Variants in CHST3 observed in about 807,000 individuals in gnomAD.
The protein encoded by CHST3 is carbohydrate sulfotransferase 3.
CHST3 carries 20 observed loss-of-function variants against 35.4 expected under a neutral mutation model. That is an observed-to-expected ratio of 0.57 (90% CI 0.40 to 0.82). The LOEUF (loss-of-function observed/expected upper bound fraction) is 0.82, where lower values mean the gene tolerates loss of function less well. Among genes scored for constraint, CHST3 ranks in the 40% least tolerant of loss-of-function variants. The probability of loss-of-function intolerance (pLI) is 0.00; values close to 1 mark genes in which losing one functional copy is unlikely to be tolerated. For missense variants in CHST3, 693 were observed against 670.1 expected, an observed-to-expected ratio of 1.03 and a Z score of -0.38; for synonymous variants, 334 against 295.9, an observed-to-expected ratio of 1.13 and a Z score of -1.32.
intron 1 of CHST3, among the ~76,000 whole-genome samples, chr10:71,999,780 G>T (rs747834830): frequency 2.6e-5 from 4 of 152,332 alleles, no homozygotes; most frequent in Admixed American, 1.3e-4. Flanking sequence ...GCCAAGTCAC[G>T]AGGGAGGCCT....
chr10:71,982,206 T>A (rs1012489460), intron 1 of CHST3, among the ~76,000 whole-genome samples: 2 of 152,134 alleles, frequency 1.3e-5, no homozygotes, highest in Non-Finnish European at 2.9e-5. Flanking sequence ...ACAAGTGTCC[T>A]TATAAGAGGG....
Position 71,978,040 on chromosome 10 carries a change from T to C in CHST3, c.-108+13346T>C, listed in dbSNP as rs1839763992. On this transcript the variant is annotated intron_variant, in intron 1 of 2. Transcript: ENST00000373115. ...TTCTTCCTACGCCTTCCTATGCCTCTATGCTGACTTCTGGAGAAGCCAGTC... is the reference window on the plus strand; with the variant it reads ...TTCTTCCTACGCCTTCCTATGCCTCCATGCTGACTTCTGGAGAAGCCAGTC... Among the ~76,000 whole-genome samples, 3 of 152,218 alleles carry C rather than the reference T, an allele frequency of 2.0e-5. No homozygotes were observed. In the South Asian group the frequency reaches 6.2e-4, roughly 32 times the overall value.
At chr10:71,985,160 C>T (rs544865481) in intron 1 of CHST3, among the ~76,000 whole-genome samples, 1 of 152,348 alleles carries the variant, frequency 6.6e-6, no homozygotes, top group African/African-American at 2.4e-5. Flanking sequence ...CCCCAGTCTC[C>T]TTCGCCCCAA....
At chr10:71,965,342 T>C (rs1286110744) in intron 1 of CHST3, among the ~76,000 whole-genome samples, 3 of 152,032 alleles carry the variant, frequency 2.0e-5, no homozygotes, top group Non-Finnish European at 4.4e-5. Context: ...CCAGGGTCTG[T>C]GAGCAGCGTG....
intron 1 of CHST3, among the ~76,000 whole-genome samples, chr10:71,998,331 TG>T (rs984571361): frequency 5.9e-5 from 9 of 152,238 alleles, no homozygotes; most frequent in African/African-American, 2.2e-4. Flanking sequence ...GCCACGTCCT[TG>T]GGCATGAATC....
At position 71,981,414 on chromosome 10, in the gene CHST3, G is replaced by A. The variant is rs77060335; in HGVS notation, c.-108+16720G>A. On this transcript the variant is annotated intron_variant, in intron 1 of 2. Coordinates refer to ENST00000373115, the MANE Select transcript of CHST3 (RefSeq NM_004273.5). The stretch of plus-strand genomic sequence containing the variant: ...TCCAGAAGCCAGCCCTCAGCTGGGA[G>A]CAGCTTTGCGAGGGAGGGGAATGTT... Among the ~76,000 whole-genome samples the A allele has an allele frequency of 2.6e-3, 398 of 152,356 alleles. 2 individuals are homozygous for A. Among genetic ancestry groups the A allele is most frequent in the African/African-American group, 8.7e-3 (360 of 41,590 alleles).
rs1467965601 is a variant in CHST3, at chr10:72,008,190, C to T, written c.1159C>T (p.Arg387Cys). The T allele has an allele frequency of 1.9e-6, 3 of 1,549,842 alleles. No individual in the cohort carries two copies. In the Admixed American group the frequency reaches 5.9e-5, roughly 30 times the overall value. Residue 387 changes from arginine to cysteine, a missense_variant, in exon 3 of 3, where the codon CGC (arginine) becomes TGC (cysteine). By Grantham distance (180) the Arg-to-Cys change is radical. Transcript: ENST00000373115. ...GPLQKAREMY[R>C]FAGIPLTPQV... ...GCTGCAGAAGGCCCGCGAGATGTACCGCTTCGCCGGCATCCCCCTGACCCC... is the reference window on the plus strand; with the variant it reads ...GCTGCAGAAGGCCCGCGAGATGTACTGCTTCGCCGGCATCCCCCTGACCCC...
chr10:71,992,472 G>A (rs1484299728), intron 1 of CHST3, among the ~76,000 whole-genome samples: 1 of 150,816 alleles, frequency 6.6e-6, no homozygotes, highest in Non-Finnish European at 1.5e-5. Flanking sequence ...GTGAGCCACT[G>A]CACCCAGCCA....
At chr10:72,007,088 G>A in intron 2 of CHST3, 84 bp from the exon 3 acceptor site, 14 of 1,483,414 alleles carry the variant, frequency 9.4e-6, no homozygotes, top group Non-Finnish European at 1.3e-5. Context: ...AGGTTTTGGT[G>A]ATCTGCTTGG....
At chr10:71,971,480 C>T (rs923507580) in intron 1 of CHST3, among the ~76,000 whole-genome samples, 2 of 152,194 alleles carry the variant, frequency 1.3e-5, no homozygotes, top group African/African-American at 4.8e-5. Context: ...CGCCGATGCC[C>T]GCCTGTGCCT....
intron 1 of CHST3, among the ~76,000 whole-genome samples, chr10:71,986,832 G>T (rs1272800882): frequency 6.6e-6 from 1 of 152,200 alleles, no homozygotes; most frequent in African/African-American, 2.4e-5. Flanking sequence ...TGGCATAGAC[G>T]GGCTCTGGCT....
chr10:71,982,451 G>A (rs372873587), intron 1 of CHST3, among the ~76,000 whole-genome samples: 10 of 152,272 alleles, frequency 6.6e-5, no homozygotes, highest in Admixed American at 2.0e-4. Context: ...AGAACTGTAC[G>A]ATAATCAGTG....
chr10:71,971,364 A>G (rs1839693277), intron 1 of CHST3, among the ~76,000 whole-genome samples: 1 of 152,178 alleles, frequency 6.6e-6, no homozygotes, highest in East Asian at 1.9e-4. Context: ...GCTTCTGAAA[A>G]AAGTTCTGGT....
At position 72,007,753 on chromosome 10, in the gene CHST3, T is replaced by TC; in HGVS notation, c.723dup (p.Phe242LeufsTer78). On this transcript the variant is annotated frameshift_variant, in exon 3 of 3. Coordinates refer to ENST00000373115, the MANE Select transcript of CHST3 (RefSeq NM_004273.5). LOFTEE classifies it high-confidence loss of function. ...GTCTGTACGCCCTTCGTCAAGAAGG[T>TC]CTTCGAGAAGTACCACTGCAAGAAC... is the stretch of plus-strand genomic sequence containing the variant. 5.6e-6 allele frequency: 9 copies of TC among 1,602,066 alleles called. No homozygotes were observed. The highest frequency in any genetic ancestry group is 7.6e-6 in the Non-Finnish European group (9 of 1,179,712).
chr10:71,985,302 C>T (rs577855974), intron 1 of CHST3, among the ~76,000 whole-genome samples: 3 of 152,256 alleles, frequency 2.0e-5, no homozygotes, highest in Non-Finnish European at 4.4e-5. Flanking sequence ...AGTCCCAGCT[C>T]CCCTCCTTAC....
chr10:71,973,986 C>T (rs534532499), intron 1 of CHST3, among the ~76,000 whole-genome samples: 20 of 152,310 alleles, frequency 1.3e-4, no homozygotes, highest in African/African-American at 4.6e-4. Context: ...ACCCCAACTC[C>T]CCACTTACTG....
chr10:72,004,670 G>A (rs1477118938), intron 1 of CHST3, among the ~76,000 whole-genome samples: 2 of 152,074 alleles, frequency 1.3e-5, no homozygotes, highest in African/African-American at 4.8e-5. Flanking sequence ...GCGTTTTCCT[G>A]CAGCCAGAGT....
intron 1 of CHST3, among the ~76,000 whole-genome samples, chr10:71,979,156 C>T (rs750648447): frequency 2.1e-4 from 32 of 152,156 alleles, no homozygotes; most frequent in Middle Eastern, 3.2e-3. Context: ...AGGAATGGTG[C>T]TGGGAGAGGA....
At chr10:71,969,918 C>A (rs1157660424) in intron 1 of CHST3, among the ~76,000 whole-genome samples, 1 of 152,214 alleles carries the variant, frequency 6.6e-6, no homozygotes, top group Non-Finnish European at 1.5e-5. Flanking sequence ...GAGGTTATGC[C>A]TCAGGAGAGG....
Sources: gnomAD v4.1 joint callset for allele counts (sites outside exome capture counted in the v4.1 genomes callset) on GRCh38, gnomAD v4.1.1 for gene constraint, MANE v1.5 for transcripts, NCBI Gene and HGNC (gene_info 2026-07-23, HGNC 2026-07-21) for gene names.